The following GPATCH2 variants were observed in gnomAD, a reference collection of about 807,000 sequenced individuals.
GPATCH2 encodes G patch domain-containing protein 2.
GPATCH2 carries 51 observed loss-of-function variants against 58.0 expected under a neutral mutation model. The ratio of observed to expected loss-of-function variants is 0.88; its 90% CI spans 0.70 to 1.11. The LOEUF (loss-of-function observed/expected upper bound fraction) is 1.11, where lower values mean the gene tolerates loss of function less well. GPATCH2 is among the 50% of genes most tolerant of loss of function. GPATCH2 has a pLI of 0.00. For synonymous variants in GPATCH2, 222 were observed against 218.5 expected (o/e 1.02, Z -0.14); for missense variants, 625 against 652.2 (o/e 0.96, Z 0.45).
chr1:217,614,823 C>CAT (rs1248480718), intron 2 of GPATCH2, among the ~76,000 whole-genome samples: 1 of 148,368 alleles, frequency 6.7e-6, no homozygotes, highest in Non-Finnish European at 1.5e-5. Context: ...GGAGTGTGTA[C>CAT]ATATATTCCC....
chr1:217,561,479 T>C (rs2102692493), intron 5 of GPATCH2, among the ~76,000 whole-genome samples: 1 of 152,340 alleles, frequency 6.6e-6, no homozygotes, highest in African/African-American at 2.4e-5. Flanking sequence ...GGTGTGTGTG[T>C]GTATTTAATG....
rs1213024471 is a variant in GPATCH2, at chr1:217,428,527, G to A, written c.*2618C>T. 1 of 152,130 alleles carries A rather than the reference G, an allele frequency of 6.6e-6. No homozygotes were observed. The allele number at this position is 152,130 out of a possible 1,614,324, so 9.4% of individuals were successfully genotyped here. ...AGTTCAGGTACAACCAGAACATCAG[G>A]TCTGTACTGAGTTTTCTTAAAGACT... is the stretch of plus-strand genomic sequence containing the variant. On this transcript the variant is annotated 3_prime_UTR_variant, in exon 10 of 10. Coordinates refer to ENST00000366935, the MANE Select transcript of GPATCH2 (RefSeq NM_018040.5).
intron 5 of GPATCH2, among the ~76,000 whole-genome samples, chr1:217,521,754 T>C (rs1474240774): frequency 6.6e-6 from 1 of 152,092 alleles, no homozygotes; most frequent in Non-Finnish European, 1.5e-5. Flanking sequence ...GACATAAATC[T>C]AAATACGTGA....
chr1:217,517,769 C>G (rs139326867), intron 5 of GPATCH2, among the ~76,000 whole-genome samples: 89 of 152,146 alleles, frequency 5.8e-4, no homozygotes, highest in African/African-American at 2.0e-3. Flanking sequence ...TCAGAACTGT[C>G]TTAGAAATCA....
intron 5 of GPATCH2, among the ~76,000 whole-genome samples, chr1:217,579,045 C>T (rs114984310): frequency 0.013 from 1,986 of 152,248 alleles, 46 homozygotes; most frequent in African/African-American, 0.045. Flanking sequence ...TGAATTATGC[C>T]TAAATCTTTT....
intron 5 of GPATCH2, among the ~76,000 whole-genome samples, chr1:217,528,744 CCAGA>C (rs1664046385): frequency 6.6e-6 from 1 of 152,076 alleles, no homozygotes; most frequent in African/African-American, 2.4e-5. Flanking sequence ...AAGGAGGAGG[CCAGA>C]CAGATAGCCT....
chr1:217,431,547 G>T (rs1395033607), intron 9 of GPATCH2, among the ~76,000 whole-genome samples, 182 bp from the exon 10 acceptor site: 1 of 152,178 alleles, frequency 6.6e-6, no homozygotes, highest in Non-Finnish European at 1.5e-5. Context: ...GAAAGATCTT[G>T]TTTAGAATTT....
intron 9 of GPATCH2, among the ~76,000 whole-genome samples, chr1:217,447,242 T>C (rs1240200742): frequency 1.3e-5 from 2 of 152,238 alleles, no homozygotes; most frequent in African/African-American, 2.4e-5. Context: ...AATAGTTAGA[T>C]AAATCTTCTA....
At chr1:217,610,149 G>A (rs1377396562) in intron 5 of GPATCH2, 172 bp downstream of exon 5, 1 of 1,559,054 alleles carries the variant, frequency 6.4e-7, no homozygotes, top group Non-Finnish European at 8.7e-7. Context: ...ATTAGCATTA[G>A]AAGATTTGGT....
intron 5 of GPATCH2, among the ~76,000 whole-genome samples, chr1:217,550,159 G>A (rs1214393738): frequency 6.6e-6 from 1 of 152,064 alleles, no homozygotes; most frequent in Non-Finnish European, 1.5e-5. Flanking sequence ...AAAGACAAGG[G>A]TTCACCACTT....
Position 217,567,046 on chromosome 1 carries a change from C to CT in GPATCH2, c.1098+43274dup, listed in dbSNP as rs71301102. 6.3e-3 allele frequency among the ~76,000 whole-genome samples: 843 copies of CT among 133,574 alleles called. 4 individuals carry two copies. The highest frequency in any genetic ancestry group is 9.0e-3 in the Non-Finnish European group (580 of 64,500). The allele number at this position is 133,574 out of a possible 152,430, so 87.6% of individuals were successfully genotyped here. A position where few individuals can be genotyped will look rare whatever the true frequency, so the allele number is the denominator to read the frequency against. ...ATCACTCAGCAAATATAACTTCTGG[C>CT]TTTTTTTTTTTTTTTTTGAGACGGA... On this transcript the variant is annotated intron_variant, in intron 5 of 9. Transcript: ENST00000366935.
intron 2 of GPATCH2, among the ~76,000 whole-genome samples, chr1:217,615,050 C>T (rs1668820427): frequency 6.6e-6 from 1 of 151,782 alleles, no homozygotes; most frequent in South Asian, 2.1e-4. Context: ...TTTATTTTTA[C>T]TGTAATTCTT....
intron 5 of GPATCH2, chr1:217,608,709 C>T: frequency 9.1e-6 from 9 of 983,918 alleles, no homozygotes; most frequent in Non-Finnish European, 1.1e-5. Flanking sequence ...ATCTAAAAGA[C>T]AGTCATTATA....
intron 5 of GPATCH2, among the ~76,000 whole-genome samples, chr1:217,576,693 T>C (rs900084184): frequency 6.6e-6 from 1 of 152,190 alleles, no homozygotes; most frequent in Non-Finnish European, 1.5e-5. Flanking sequence ...CAATAGGACC[T>C]TGACATGACT....
chr1:217,610,953 T>C lies in GPATCH2; in HGVS notation c.954A>G (p.Pro318=), dbSNP rs1472712448. 3.1e-6 allele frequency: 5 copies of C among 1,613,654 alleles called. No individual in the cohort carries two copies. The Admixed American group carries it at 8.3e-5, about 27-fold the overall frequency. ...EDPTELDKNV[P]DPVFESILTG... is the part of the protein sequence containing the mutation. ...TTAAGATACTTTCAAAGACAGGATCTGGTACATTTTTGTCTAGCTCAGTAG... is the reference window on the plus strand; with the variant it reads ...TTAAGATACTTTCAAAGACAGGATCCGGTACATTTTTGTCTAGCTCAGTAG... The change falls in exon 4 of 10, where the codon CCA becomes CCG. Residue 318 remains proline, a synonymous_variant. Coordinates refer to ENST00000366935, the MANE Select transcript of GPATCH2 (RefSeq NM_018040.5).
chr1:217,583,570 CA>C (rs60392448), intron 5 of GPATCH2, among the ~76,000 whole-genome samples: 14,421 of 65,240 alleles, frequency 0.22, 552 homozygotes, highest in Non-Finnish European at 0.3. Context: ...GACTCTGTCT[CA>C]AAAAAAAAAA....
At chr1:217,554,098 G>A (rs906536304) in intron 5 of GPATCH2, among the ~76,000 whole-genome samples, 2 of 152,204 alleles carry the variant, frequency 1.3e-5, no homozygotes, top group Non-Finnish European at 2.9e-5. Flanking sequence ...AGCTGATAAT[G>A]ATGAATACCA....
At chr1:217,462,406 T>C (rs944657158) in intron 8 of GPATCH2, among the ~76,000 whole-genome samples, 1 of 152,142 alleles carries the variant, frequency 6.6e-6, no homozygotes, top group African/African-American at 2.4e-5. Flanking sequence ...ACATACTGTT[T>C]AAGTGACTAT....
intron 5 of GPATCH2, among the ~76,000 whole-genome samples, chr1:217,537,628 A>G (rs943823620): frequency 2.0e-5 from 3 of 152,204 alleles, no homozygotes; most frequent in Non-Finnish European, 4.4e-5. Flanking sequence ...TCGGTCTTAT[A>G]TGCTAAAAAT....
Sources: gnomAD v4.1 joint callset for allele counts (sites outside exome capture counted in the v4.1 genomes callset) on GRCh38, gnomAD v4.1.1 for gene constraint, MANE v1.5 for transcripts, NCBI Gene and HGNC (gene_info 2026-07-23, HGNC 2026-07-21) for gene names.